The following ELAVL4 variants were observed in gnomAD, a reference collection of about 807,000 sequenced individuals.
The protein encoded by ELAVL4 is ELAV-like protein 4.
A neutral mutation model predicts 35.6 loss-of-function variants in ELAVL4; 1 was observed. The observed-to-expected ratio is 0.03, with a 90% CI of 0.01 to 0.13. The LOEUF is 0.13. ELAVL4 is among the 10% of genes least tolerant of loss of function. ELAVL4 has a pLI of 1.00. For synonymous variants in ELAVL4, 156 were observed against 171.0 expected (o/e 0.91, Z 0.69); for missense variants, 267 against 464.9 (o/e 0.57, Z 3.91).
intron 1 of ELAVL4, among the ~76,000 whole-genome samples, chr1:50,130,167 A>T (rs1267374519): frequency 2.0e-5 from 3 of 152,174 alleles, no homozygotes; most frequent in African/African-American, 4.8e-5. Context: ...ACTGACTAAT[A>T]AACAGCAGAT....
intron 3 of ELAVL4, among the ~76,000 whole-genome samples, chr1:50,184,398 CAAAAAA>C (rs33990892): frequency 2.1e-5 from 3 of 141,926 alleles, no homozygotes; most frequent in Non-Finnish European, 4.6e-5. Context: ...TGAGCTGCTT[CAAAAAA>C]AAAAAAAAAA....
At chr1:50,111,847 A>G (rs1572213031) in intron 1 of ELAVL4, among the ~76,000 whole-genome samples, 1 of 152,252 alleles carries the variant, frequency 6.6e-6, no homozygotes, top group South Asian at 2.1e-4. Context: ...GGGTACCATA[A>G]GGATTGAAAG....
chr1:50,098,091 A>G (rs72688505), intron 1 of ELAVL4, among the ~76,000 whole-genome samples: 14,642 of 152,232 alleles, frequency 0.096, 957 homozygotes, highest in African/African-American at 0.18. Context: ...GAAGGCTAGC[A>G]AAATTTTTTG....
intron 1 of ELAVL4, among the ~76,000 whole-genome samples, chr1:50,067,550 T>G (rs1664320165): frequency 6.6e-6 from 1 of 152,194 alleles, no homozygotes; most frequent in African/African-American, 2.4e-5. Context: ...CAGAAAGATA[T>G]AGGTAAACCG....
At chr1:50,160,646 A>G (rs1388540315) in intron 2 of ELAVL4, among the ~76,000 whole-genome samples, 1 of 152,218 alleles carries the variant, frequency 6.6e-6, no homozygotes, top group Non-Finnish European at 1.5e-5. Flanking sequence ...GGACACGCTG[A>G]CAGAGGTTTT....
intron 1 of ELAVL4, among the ~76,000 whole-genome samples, chr1:50,119,326 G>A (rs565845058): frequency 6.6e-6 from 1 of 152,084 alleles, no homozygotes; most frequent in South Asian, 2.1e-4. Context: ...TTTGGAGAAG[G>A]GATGGTATAG....
chr1:50,179,436 T>G (rs1201537444), intron 3 of ELAVL4: 2 of 152,204 alleles, frequency 1.3e-5, no homozygotes, highest in Non-Finnish European at 2.9e-5. Context: ...GACACAATGT[T>G]TAAGGTAAAA....
At chr1:50,133,994 C>T (rs986638813) in intron 1 of ELAVL4, among the ~76,000 whole-genome samples, 2 of 152,172 alleles carry the variant, frequency 1.3e-5, no homozygotes, top group African/African-American at 4.8e-5. Flanking sequence ...TTTCTAGACA[C>T]AAACTCCCTC....
intron 1 of ELAVL4, among the ~76,000 whole-genome samples, chr1:50,110,465 C>T (rs1371708933): frequency 6.6e-6 from 1 of 152,118 alleles, no homozygotes; most frequent in Non-Finnish European, 1.5e-5. Flanking sequence ...AGTGGAAAAC[C>T]TTTCTGCCGA....
chr1:50,080,709 A>G (rs1198328108), intron 1 of ELAVL4, among the ~76,000 whole-genome samples: 7 of 152,098 alleles, frequency 4.6e-5, no homozygotes, highest in Non-Finnish European at 7.4e-5. Flanking sequence ...CTCATTGCTT[A>G]TGCATCCTTC....
intron 1 of ELAVL4, among the ~76,000 whole-genome samples, chr1:50,084,819 C>T (rs1359681335): frequency 6.6e-6 from 1 of 152,100 alleles, no homozygotes; most frequent in Admixed American, 6.6e-5. Flanking sequence ...GTCCTGTTTT[C>T]TTTCTTAGCA....
intron 2 of ELAVL4, among the ~76,000 whole-genome samples, chr1:50,167,018 A>G (rs1416820726): frequency 1.3e-5 from 2 of 152,172 alleles, no homozygotes; most frequent in African/African-American, 4.8e-5. Flanking sequence ...GTGGATCACT[A>G]GAGGTGATGG....
At chr1:50,106,463 T>A (rs1666318389), upstream of ELAVL4, 1 of 1,240,512 alleles carries the variant, frequency 8.1e-7, no homozygotes. Flanking sequence ...CCTTAGCTGC[T>A]TGAGTGAGAC....
intron 1 of ELAVL4, among the ~76,000 whole-genome samples, chr1:50,055,387 C>T (rs1663604860): frequency 6.6e-6 from 1 of 152,068 alleles, no homozygotes; most frequent in South Asian, 2.1e-4. Context: ...GCGAGCTCCG[C>T]CTCCTGGGCT....
chr1:50,090,996 T>C (rs1665467664), intron 1 of ELAVL4, among the ~76,000 whole-genome samples: 1 of 152,192 alleles, frequency 6.6e-6, no homozygotes, highest in Non-Finnish European at 1.5e-5. Context: ...ACCCCTTATT[T>C]TCCAAGTCCT....
At chr1:50,122,406 G>C (rs901072851) in intron 1 of ELAVL4, among the ~76,000 whole-genome samples, 1 of 152,074 alleles carries the variant, frequency 6.6e-6, no homozygotes, top group Admixed American at 6.6e-5. Context: ...CTGACACACA[G>C]TAGGCATTCA....
rs948387109 is a variant in ELAVL4 at position 50,066,039 on chromosome 1, C to T, written c.18+17857C>T. Among the ~76,000 whole-genome samples, 3 of 152,274 alleles carry T rather than the reference C, an allele frequency of 2.0e-5. No homozygotes were observed. The East Asian group carries it at 5.8e-4, about 29-fold the overall frequency. On this transcript the variant is annotated intron_variant, in intron 1 of 6. Transcript: ENST00000448907. ...GCAGATGACAAGACCAGCCCAGATA[C>T]AGGAGTGGGGAAAGAGATTACATCT...
At chr1:50,075,712 G>A (rs1664728971) in intron 1 of ELAVL4, among the ~76,000 whole-genome samples, 1 of 152,136 alleles carries the variant, frequency 6.6e-6, no homozygotes, top group African/African-American at 2.4e-5. Flanking sequence ...ACACATTCAG[G>A]AGCCCCTCGA....
At chr1:50,133,643 GAAAGAAAGAGAA>G (rs1192357347) in intron 1 of ELAVL4, among the ~76,000 whole-genome samples, 46 of 148,518 alleles carry the variant, frequency 3.1e-4, no homozygotes, top group East Asian at 8.0e-4. Context: ...AAGAAAGAAA[GAAAGAAAGAGAA>G]AGAAAGAAAG....
Sources: gnomAD v4.1 joint callset for allele counts (sites outside exome capture counted in the v4.1 genomes callset) on GRCh38, gnomAD v4.1.1 for gene constraint, MANE v1.5 for transcripts, NCBI Gene and HGNC (gene_info 2026-07-23, HGNC 2026-07-21) for gene names.